KCNC3: variants seen among roughly 807,000 people sequenced by gnomAD.
KCNC3 encodes potassium voltage-gated channel subfamily C member 3, also known as voltage-gated potassium channel KCNC3.
KCNC3 carries 22 observed loss-of-function variants against 43.9 expected under a neutral mutation model. That is an observed-to-expected ratio of 0.50 (90% CI 0.36 to 0.72). KCNC3 has a LOEUF of 0.72. Among genes scored for constraint, KCNC3 ranks in the 30% least tolerant of loss-of-function variants. KCNC3 has a pLI of 0.00. For missense variants in KCNC3, 829 were observed against 1,073.8 expected (o/e 0.77, Z 3.19); for synonymous variants, 492 against 488.0 (o/e 1.01, Z -0.11).
intron 1 of KCNC3, among the ~76,000 whole-genome samples, chr19:50,325,330 GGA>G (rs1443788884): frequency 6.6e-6 from 1 of 152,124 alleles, no homozygotes; most frequent in Non-Finnish European, 1.5e-5. Flanking sequence ...GAGGGCATGG[GGA>G]GTTTTGCTAT....
chr19:50,322,848 CTGT>C, intron 2 of KCNC3, 124 bp downstream of exon 2: 1 of 870,654 alleles, frequency 1.1e-6, no homozygotes, highest in Admixed American at 2.8e-5. Flanking sequence ...TGAGCTCCTG[CTGT>C]TGGTTTTTTT....
chr19:50,329,824 C>T (rs569109202), upstream of KCNC3: 9 of 152,394 alleles, frequency 5.9e-5, no homozygotes, highest in East Asian at 1.7e-3. Flanking sequence ...TTGAGAGAGT[C>T]CTGGAAACCC....
In KCNC3 at chr19:50,315,896, C is replaced by T; in HGVS notation, c.*219G>A. 1 of 335,820 alleles carries T rather than the reference C, an allele frequency of 3.0e-6. No homozygotes were observed. The highest frequency in any genetic ancestry group is 5.7e-6 in the Non-Finnish European group (1 of 175,094). The allele number at this position is 335,820 out of a possible 1,614,324, so 20.8% of individuals were successfully genotyped here. On this transcript the variant is annotated 3_prime_UTR_variant, in exon 5 of 5. Transcript: ENST00000477616. Reference sequence around the variant, plus strand: ...CAGGGTTCTGCACCCCCGCAGGGAGCTCTGTGGCTTTTCCAGGCAACGCTA... The same window carrying T: ...CAGGGTTCTGCACCCCCGCAGGGAGTTCTGTGGCTTTTCCAGGCAACGCTA...
chr19:50,318,991 C>CAAAAAAAAAAAAA (rs11326559), intron 4 of KCNC3, among the ~76,000 whole-genome samples: 2 of 71,448 alleles, frequency 2.8e-5, no homozygotes, highest in Admixed American at 1.8e-4. Context: ...AAGACAGTCT[C>CAAAAAAAAAAAAA]AAAAAAAAAA....
At chr19:50,318,511 C>T (rs2546566) in intron 4 of KCNC3, among the ~76,000 whole-genome samples, 2,042 of 152,202 alleles carry the variant, frequency 0.013, 48 homozygotes, top group African/African-American at 0.046. Context: ...TTCCTATGAG[C>T]GGCTGGAAAC....
At chr19:50,319,607 T>A (rs1390977980) in intron 4 of KCNC3, among the ~76,000 whole-genome samples, 2 of 152,174 alleles carry the variant, frequency 1.3e-5, no homozygotes, top group African/African-American at 4.8e-5. Context: ...TCTTCCCTGA[T>A]GCCCGGCCCC....
At chr19:50,325,794 C>T (rs116240943) in intron 1 of KCNC3, among the ~76,000 whole-genome samples, 1 of 151,580 alleles carries the variant, frequency 6.6e-6, no homozygotes, top group Admixed American at 6.6e-5. Context: ...GCAGCCGCAG[C>T]GGCTAGGGGC....
chr19:50,323,015 G>A lies in KCNC3; in HGVS notation c.1938C>T (p.Cys646=). 1 of 1,547,874 alleles carries A rather than the reference G, an allele frequency of 6.5e-7. No individual in the cohort carries two copies. The highest frequency in any genetic ancestry group is 8.7e-7 in the Non-Finnish European group (1 of 1,146,296). Residue 646 remains cysteine (C), a synonymous_variant, in exon 2 of 5, where the codon TGC becomes TGT. Coordinates refer to ENST00000477616, the MANE Select transcript of KCNC3 (RefSeq NM_004977.3). ...CAATCACCTCCTCCTGAGCCAACGG[G>A]CAAGGCTCGCCGGGGGCTGGCAGAG... is the stretch of plus-strand genomic sequence containing the variant. ...LPPLPAPGEP[C]PLAQEEVIEI... is the part of the protein sequence containing the mutation.
intron 2 of KCNC3, 133 bp downstream of exon 2, chr19:50,322,842 C>T (rs938850715): frequency 3.0e-5 from 25 of 820,210 alleles, no homozygotes; most frequent in Non-Finnish European, 4.6e-5. Flanking sequence ...TTCGCCTGAG[C>T]TCCTGCTGTT....
intron 4 of KCNC3, among the ~76,000 whole-genome samples, chr19:50,316,626 C>T (rs2036958120): frequency 6.6e-6 from 1 of 152,152 alleles, no homozygotes; most frequent in African/African-American, 2.4e-5. Flanking sequence ...ATTCCAGCTA[C>T]TCTGGAGGCT....
Position 50,314,743 on chromosome 19 carries a change from A to G in KCNC3, c.*1372T>C. 1 of 439,376 alleles carries G rather than the reference A, an allele frequency of 2.3e-6. No homozygotes were observed. Among genetic ancestry groups the G allele is most frequent in the Admixed American group, 2.4e-5 (1 of 41,178 alleles). 27.2% of individuals were successfully genotyped at this position (439,376 alleles called of 1,614,324 possible). A position where few individuals can be genotyped will look rare whatever the true frequency, so the allele number is the denominator to read the frequency against. ...ATCGTCATCTCGGTTGCATATTATTAATGACTTTTTGATTTTTTTTAAAAA... is the reference window on the plus strand; with the variant it reads ...ATCGTCATCTCGGTTGCATATTATTGATGACTTTTTGATTTTTTTTAAAAA... On this transcript the variant is annotated 3_prime_UTR_variant, in exon 5 of 5. Transcript: ENST00000477616.
Position 50,323,308 on chromosome 19 carries a change from C to T in KCNC3, c.1645G>A (p.Ala549Thr). 6.2e-7 allele frequency: 1 copy of T among 1,612,800 alleles called. No individual in the cohort carries two copies. Among genetic ancestry groups the T allele is most frequent in the Non-Finnish European group, 8.5e-7 (1 of 1,180,024 alleles). ...TTGGGCAGCTTCTGCTTGGCCATGGCCAGCGAATAGTACATGCCAAAGTTG... is the reference window on the plus strand; with the variant it reads ...TTGGGCAGCTTCTGCTTGGCCATGGTCAGCGAATAGTACATGCCAAAGTTG... ...VNNFGMYYSL[A>T]MAKQKLPKKK... The change falls in exon 2 of 5, where the codon GCC (alanine) becomes ACC (threonine). Residue 549 changes from alanine (A) to threonine (T), a missense_variant. Ala to Thr is a moderately conservative substitution (Grantham distance 58). This residue lies in a region of KCNC3 where 33 missense variants were observed against 96.0 expected (regional missense o/e 0.34). Transcript: ENST00000477616.
At position 50,326,924 on chromosome 19, in the gene KCNC3, G is replaced by A. The variant is rs4090540; in HGVS notation, c.870+1289C>T. On this transcript the variant is annotated intron_variant, in intron 1 of 4. Transcript: ENST00000477616. ...GCTAGGTTCTGGGTTTTGCACGGCG[G>A]GGGGGGAGGTTCGAGAAAGGAAGAG... Among the ~76,000 whole-genome samples, 13 of 146,892 alleles carry A rather than the reference G, an allele frequency of 8.9e-5. 1 individual carries two copies. Among genetic ancestry groups the A allele is most frequent in the African/African-American group, 8.1e-5 (3 of 36,998 alleles).
upstream of KCNC3, among the ~76,000 whole-genome samples, chr19:50,330,313 T>G (rs1213789011): frequency 6.6e-6 from 1 of 150,688 alleles, no homozygotes; most frequent in Non-Finnish European, 1.5e-5. Context: ...GAATGGGCGG[T>G]AGGAAAGAGA....
At position 50,324,702 on chromosome 19, in the gene KCNC3, C is replaced by T. The variant is rs995620984; in HGVS notation, c.871-620G>A. On this transcript the variant is annotated intron_variant, in intron 1 of 4. Coordinates refer to ENST00000477616, the MANE Select transcript of KCNC3 (RefSeq NM_004977.3). The surrounding 1 kb of genome is among the most constrained non-coding windows in gnomAD (Gnocchi z 4.1). ...GTGAGGATTAAATTAGATGAGCGTA[C>T]GAAGGACTTGGCTCCAAACACAGTG... 1.3e-5 allele frequency among the ~76,000 whole-genome samples: 2 copies of T among 152,108 alleles called. No homozygotes were observed. Among genetic ancestry groups the T allele is most frequent in the African/African-American group, 2.4e-5 (1 of 41,428 alleles).
chr19:50,314,240 G>C lies in KCNC3; in HGVS notation c.*1875C>G, dbSNP rs2123512469. On this transcript the variant is annotated 3_prime_UTR_variant, in exon 5 of 5. Transcript: ENST00000477616. ...ACTCGGCCCCGCCCTCCCGCCACCT[G>C]AGCTCAACTCCGATCTGGGGCTTGG... 1.8e-5 allele frequency: 2 copies of C among 113,726 alleles called. No individual in the cohort carries two copies. The highest frequency in any genetic ancestry group is 6.1e-4 in the South Asian group (2 of 3,262). The allele number at this position is 113,726 out of a possible 1,614,324, so 7.0% of individuals were successfully genotyped here. A position where few individuals can be genotyped will look rare whatever the true frequency, so the allele number is the denominator to read the frequency against.
chr19:50,320,932 G>C, intron 2 of KCNC3, 148 bp from the exon 3 acceptor site: 1 of 762,816 alleles, frequency 1.3e-6, no homozygotes, highest in Non-Finnish European at 2.2e-6. Flanking sequence ...GCAGGGTGAT[G>C]GGAAGGAGTG....
chr19:50,320,332 G>A lies in KCNC3; in HGVS notation c.2188C>T (p.Leu730=). Residue 730 remains leucine (L), a synonymous_variant, in exon 4 of 5, where the codon CTG becomes TTG. Transcript: ENST00000477616. ...GGCTTACGCCAGTCTTGGGGGGGCA[G>A]TGGGGGAGCACCAGTGGCTGGGGGT... ...SIRKATGAPP[L]PPQDWRKPGP... 1 of 455,856 alleles carries A rather than the reference G, an allele frequency of 2.2e-6. No individual in the cohort carries two copies. Among genetic ancestry groups the A allele is most frequent in the South Asian group, 2.4e-5 (1 of 41,918 alleles). The allele number at this position is 455,856 out of a possible 1,614,324, so 28.2% of individuals were successfully genotyped here. A position where few individuals can be genotyped will look rare whatever the true frequency, so the allele number is the denominator to read the frequency against.
In KCNC3 at chr19:50,323,110, C is replaced by G; in HGVS notation, c.1843G>C (p.Ala615Pro). 1 of 1,538,176 alleles carries G rather than the reference C, an allele frequency of 6.5e-7. No individual in the cohort carries two copies. The change falls in exon 2 of 5, where the codon GCG becomes CCG. Residue 615 changes from alanine to proline, a missense_variant. Physicochemically the swap from Ala to Pro is conservative, Grantham distance 27. Transcript: ENST00000477616. ...AGCCCGGGGTGCGTGTGGGGCCCCG[C>G]TGGGTAGGCCCCGGCCACAGTCACC... ...MGVTVAGAYP[A>P]GPHTHPGLLR...
Sources: gnomAD v4.1 joint callset for allele counts (sites outside exome capture counted in the v4.1 genomes callset) on GRCh38, gnomAD v4.1.1 for gene constraint, gnomAD v4.1.1 regional missense constraint, Gnocchi (gnomAD v3.1) non-coding constraint, MANE v1.5 for transcripts, NCBI Gene and HGNC (gene_info 2026-07-23, HGNC 2026-07-21) for gene names.